The following OR8G5 variants were observed in gnomAD, a reference collection of about 807,000 sequenced individuals.
OR8G5 encodes the protein olfactory receptor 8G5.
For synonymous variants in OR8G5, 147 were observed against 147.7 expected (o/e 1.00, Z 0.03); for missense variants, 347 against 371.9 (o/e 0.93, Z 0.55).
intron 1 of OR8G5, among the ~76,000 whole-genome samples, chr11:124,260,636 G>A (rs1237002080): frequency 1.3e-5 from 2 of 151,504 alleles, no homozygotes; most frequent in Non-Finnish European, 3.0e-5. Context: ...CTTTATAATA[G>A]TGAGTCTTAT....
In OR8G5 at chr11:124,265,398, C is replaced by T. The variant is rs148046413; in HGVS notation, c.467C>T (p.Ala156Val). Residue 156 changes from alanine to valine, a missense_variant, in exon 2 of 2, where the codon GCG becomes GTG. Transcript: ENST00000641992. ...LVVYVIGLIC[A>V]SAHIGCMFRV... is the part of the protein sequence containing the mutation. The stretch of plus-strand genomic sequence containing the variant: ...GTGTATGTAATAGGCCTGATTTGTG[C>T]GTCAGCTCATATAGGCTGTATGTTT... The T allele has an allele frequency of 4.9e-5, 79 of 1,613,980 alleles. No individual in the cohort carries two copies. The East Asian group carries it at 1.3e-3, about 27-fold the overall frequency.
In OR8G5 at chr11:124,265,810, G is replaced by T; in HGVS notation, c.879G>T (p.Arg293Ser). The change falls in exon 2 of 2, where the codon AGG becomes AGT. Residue 293 changes from arginine to serine, a missense_variant. By Grantham distance (110) the Arg-to-Ser change is moderately radical. Transcript: ENST00000641992. Reference protein sequence around the residue: ...PMLNPLIYSLRNKDVHVALKK... With the variant: ...PMLNPLIYSLSNKDVHVALKK... ...TGAACCCCCTGATCTACAGCCTGAG[G>T]AATAAAGATGTCCACGTTGCCCTGA... The T allele has an allele frequency of 6.2e-7, 1 of 1,612,646 alleles. No homozygotes were observed.
intron 1 of OR8G5, among the ~76,000 whole-genome samples, chr11:124,260,170 C>T (rs1000416941): frequency 8.7e-5 from 10 of 114,674 alleles, no homozygotes; most frequent in African/African-American, 1.9e-4. Context: ...TTTTCATAGT[C>T]ATGCATTTTT....
At position 124,265,319 on chromosome 11, in the gene OR8G5, T is replaced by G. The variant is rs11219544; in HGVS notation, c.388T>G (p.Leu130Val). The G allele has an allele frequency of 0.037, 60,268 of 1,613,632 alleles. 2,037 individuals are homozygous for G. The highest frequency in any genetic ancestry group is 0.13 in the African/African-American group (9,403 of 74,698). ...YDGYVAICSP[L>V]LYSIIISNKA... is the part of the protein sequence containing the mutation. ...CGGCTACGTGGCCATCTGTAGCCCC[T>G]TGCTGTACAGCATCATCATATCCAA... Residue 130 changes from leucine to valine, a missense_variant, in exon 2 of 2, where the codon TTG becomes GTG. Coordinates refer to ENST00000641992, the MANE Select transcript of OR8G5 (RefSeq NM_001005198.2).
Position 124,265,511 on chromosome 11 carries a change from A to G in OR8G5, c.580A>G (p.Ile194Val), listed in dbSNP as rs753305526. 3 of 1,613,974 alleles carry G rather than the reference A, an allele frequency of 1.9e-6. No homozygotes were observed. The highest frequency in any genetic ancestry group is 2.5e-6 in the Non-Finnish European group (3 of 1,179,850). Reference protein sequence around the residue: ...ILKLSCSSTYINELLILIFSG... With the variant: ...ILKLSCSSTYVNELLILIFSG... ...GAAGCTCTCCTGTTCTAGTACTTACATTAATGAGTTACTGATTTTAATCTT... is the reference window on the plus strand; with the variant it reads ...GAAGCTCTCCTGTTCTAGTACTTACGTTAATGAGTTACTGATTTTAATCTT... The change falls in exon 2 of 2, where the codon ATT becomes GTT. Residue 194 changes from isoleucine (I) to valine (V), a missense_variant. Physicochemically the swap from Ile to Val is conservative, Grantham distance 29. Coordinates refer to ENST00000641992, the MANE Select transcript of OR8G5 (RefSeq NM_001005198.2).
intron 1 of OR8G5, among the ~76,000 whole-genome samples, chr11:124,259,594 G>A (rs913569263): frequency 1.3e-5 from 2 of 152,022 alleles, no homozygotes; most frequent in African/African-American, 4.8e-5. Flanking sequence ...GAGTATATAG[G>A]GAGGTGATTC....
chr11:124,259,832 G>A (rs1210636866), intron 1 of OR8G5, among the ~76,000 whole-genome samples: 2 of 151,992 alleles, frequency 1.3e-5, no homozygotes, highest in African/African-American at 4.8e-5. Context: ...TGTGCCACCT[G>A]CCTGTATAAA....
chr11:124,263,719 G>A (rs986909289), intron 1 of OR8G5, among the ~76,000 whole-genome samples: 1 of 113,552 alleles, frequency 8.8e-6, no homozygotes, highest in African/African-American at 2.8e-5. Flanking sequence ...TGTTTTTCCA[G>A]AAGTTTTATA....
chr11:124,265,399 G>A lies in OR8G5; in HGVS notation c.468G>A (p.Ala156=), dbSNP rs375972074. The A allele has an allele frequency of 3.7e-4, 602 of 1,613,952 alleles. No homozygotes were observed. The highest frequency in any genetic ancestry group is 9.2e-4 in the African/African-American group (69 of 75,026). ...LVVYVIGLIC[A]SAHIGCMFRV... ...TGTATGTAATAGGCCTGATTTGTGC[G>A]TCAGCTCATATAGGCTGTATGTTTA... The change falls in exon 2 of 2, where the codon GCG becomes GCA. Residue 156 remains alanine (A), a synonymous_variant. Coordinates refer to ENST00000641992, the MANE Select transcript of OR8G5 (RefSeq NM_001005198.2).
intron 1 of OR8G5, among the ~76,000 whole-genome samples, chr11:124,257,883 AG>A (rs1172591094): frequency 1.3e-5 from 2 of 152,120 alleles, no homozygotes; most frequent in African/African-American, 2.4e-5. Context: ...CTTATTTCCA[AG>A]GCCTTTTAAA....
chr11:124,256,952 T>A lies in OR8G5; in HGVS notation c.-15+318T>A, dbSNP rs1013876525. ...AAGGAATTGGAGAATGGTTCTATGA[T>A]TATTATAGTTTTGAATGAGATATGA... On this transcript the variant is annotated intron_variant, in intron 1 of 1. Coordinates refer to ENST00000641992, the MANE Select transcript of OR8G5 (RefSeq NM_001005198.2). Among the ~76,000 whole-genome samples, 99 of 152,134 alleles carry A rather than the reference T, an allele frequency of 6.5e-4. 1 individual carries two copies. Among genetic ancestry groups the A allele is most frequent in the Non-Finnish European group, 1.0e-4 (7 of 68,022 alleles).
At chr11:124,257,025 T>A (rs1861920269) in intron 1 of OR8G5, among the ~76,000 whole-genome samples, 1 of 152,228 alleles carries the variant, frequency 6.6e-6, no homozygotes, top group Non-Finnish European at 1.5e-5. Context: ...TTGGTAAGAC[T>A]ATTTAATGTA....
intron 1 of OR8G5, among the ~76,000 whole-genome samples, chr11:124,258,587 T>TA (rs1269891333): frequency 5.3e-5 from 8 of 150,614 alleles, no homozygotes; most frequent in Admixed American, 1.3e-4. Context: ...ATAATAATAA[T>TA]AATAAAAAAG....
intron 1 of OR8G5, among the ~76,000 whole-genome samples, chr11:124,259,923 C>T (rs781408245): frequency 7.9e-5 from 12 of 152,100 alleles, no homozygotes; most frequent in Middle Eastern, 3.4e-3. Context: ...CTGATTGAGA[C>T]GAGCTGTATT....
intron 1 of OR8G5, among the ~76,000 whole-genome samples, chr11:124,260,605 T>G (rs561400554): frequency 4.7e-4 from 71 of 152,008 alleles, no homozygotes; most frequent in Non-Finnish European, 8.8e-4. Flanking sequence ...AATCTATACA[T>G]AAGTTTGAGA....
At chr11:124,261,084 C>G (rs1861966698) in intron 1 of OR8G5, among the ~76,000 whole-genome samples, 1 of 151,764 alleles carries the variant, frequency 6.6e-6, no homozygotes, top group Non-Finnish European at 1.5e-5. Flanking sequence ...ATTTGTCTTT[C>G]TGTGCCTGGC....
At position 124,264,981 on chromosome 11, in the gene OR8G5, T is replaced by G; in HGVS notation, c.50T>G (p.Leu17Arg). 6.2e-7 allele frequency: 1 copy of G among 1,613,978 alleles called. No individual in the cohort carries two copies. The highest frequency in any genetic ancestry group is 8.5e-7 in the Non-Finnish European group (1 of 1,179,886). The part of the protein sequence containing the change: ...SFVTKFILVG[L>R]TEKSELQLPL... ...GTGACTAAGTTTATTCTGGTTGGGC[T>G]AACAGAGAAGTCAGAGCTACAGCTG... is the stretch of plus-strand genomic sequence containing the variant. The change falls in exon 2 of 2, where the codon CTA (leucine) becomes CGA (arginine). Residue 17 changes from leucine (L) to arginine (R), a missense_variant. Leu to Arg is a moderately radical substitution (Grantham distance 102, BLOSUM62 -2). Transcript: ENST00000641992.
chr11:124,264,520 A>G (rs1319398104), intron 1 of OR8G5, among the ~76,000 whole-genome samples: 1 of 152,238 alleles, frequency 6.6e-6, no homozygotes, highest in Non-Finnish European at 1.5e-5. Flanking sequence ...CATCCCTGAC[A>G]GAAATTAGTT....
In OR8G5 at chr11:124,265,494, C is replaced by T. The variant is rs1380457085; in HGVS notation, c.563C>T (p.Ser188Phe). ...FCDLISILKL[S>F]CSSTYINELL... ...GATCTTATTTCTATCTTGAAGCTCT[C>T]CTGTTCTAGTACTTACATTAATGAG... Residue 188 changes from serine to phenylalanine, a missense_variant, in exon 2 of 2, where the codon TCC (serine) becomes TTC (phenylalanine). Transcript: ENST00000641992. 2 of 1,613,830 alleles carry T rather than the reference C, an allele frequency of 1.2e-6. No individual in the cohort carries two copies. The highest frequency in any genetic ancestry group is 4.5e-5 in the East Asian group (2 of 44,896).
Sources: allele counts gnomAD v4.1 joint callset (sites outside exome capture counted in the v4.1 genomes callset), GRCh38; gene constraint gnomAD v4.1.1; transcripts MANE v1.5; gene names NCBI Gene and HGNC (gene_info 2026-07-23, HGNC 2026-07-21).